ARHGEF18: variants seen among roughly 807,000 people sequenced by gnomAD.
ARHGEF18 encodes rho guanine nucleotide exchange factor 18.
ARHGEF18 carries 93 observed loss-of-function variants against 155.7 expected under a neutral mutation model. The observed-to-expected ratio is 0.60, with a 90% CI of 0.50 to 0.71. ARHGEF18 has a LOEUF of 0.71. Ranked by LOEUF, ARHGEF18 falls within the 30% of genes least tolerant of loss-of-function variation. The pLI is 0.00. For synonymous variants in ARHGEF18, 742 were observed against 753.1 expected, an observed-to-expected ratio of 0.99 and a Z score of 0.24; for missense variants, 1,593 against 1,816.1, an observed-to-expected ratio of 0.88 and a Z score of 2.23.
In ARHGEF18 at chr19:7,404,209, G is replaced by A. The variant is rs533545763; in HGVS notation, c.967+21006G>A. ...GTAAGGAGCACCTTGCCAGAGGCAG[G>A]TACGGGCTGCCCTGGGGCCGTTTCA... On this transcript the variant is annotated intron_variant, in intron 10 of 28. Transcript: ENST00000668164. Among the ~76,000 whole-genome samples, 122 of 152,272 alleles carry A rather than the reference G, an allele frequency of 8.0e-4. 1 individual carries two copies. The highest frequency in any genetic ancestry group is 1.4e-3 in the Non-Finnish European group (93 of 68,024).
chr19:7,405,457 C>T (rs758904932), intron 10 of ARHGEF18, among the ~76,000 whole-genome samples: 10 of 152,160 alleles, frequency 6.6e-5, no homozygotes, highest in African/African-American at 9.7e-5. Context: ...AATTTCATCC[C>T]GAGATCCTTA....
In ARHGEF18 at chr19:7,422,350, C is replaced by T. The variant is rs371824004; in HGVS notation, c.968-17994C>T. On this transcript the variant is annotated intron_variant, in intron 10 of 28. Coordinates refer to ENST00000668164, the MANE Select transcript of ARHGEF18 (RefSeq NM_001367823.1). ...CACTGCCTGTCTGCCCAGCTCCCGC[C>T]CATGCCCCCCCGCCCCGCGCAGCCT... Among the ~76,000 whole-genome samples, 28 of 151,982 alleles carry T rather than the reference C, an allele frequency of 1.8e-4. 1 individual carries two copies. The East Asian group carries it at 2.5e-3, about 14-fold the overall frequency.
At chr19:7,380,885 G>A (rs1002199398) in intron 7 of ARHGEF18, 32 bp from the exon 8 acceptor site, 4 of 1,229,420 alleles carry the variant, frequency 3.3e-6, no homozygotes, top group Non-Finnish European at 4.1e-6. Context: ...AGAGGCTGCC[G>A]ACCCAGGTAT....
At chr19:7,431,755 G>A (rs1231525371) in intron 10 of ARHGEF18, among the ~76,000 whole-genome samples, 2 of 152,148 alleles carry the variant, frequency 1.3e-5, no homozygotes, top group Admixed American at 6.6e-5. Flanking sequence ...CGGAGGTTGC[G>A]GTGAGCCGAG....
intron 10 of ARHGEF18, chr19:7,439,864 A>G: frequency 6.9e-7 from 1 of 1,447,710 alleles, no homozygotes; most frequent in Admixed American, 2.9e-5. Flanking sequence ...GCAAAGACCA[A>G]GGGAGAGCCT....
At chr19:7,355,812 G>A (rs1000110186) in intron 1 of ARHGEF18, 9 of 583,628 alleles carry the variant, frequency 1.5e-5, no homozygotes, top group African/African-American at 2.0e-5. Context: ...TACAGACTCT[G>A]CTGGCATCGG....
intron 16 of ARHGEF18, among the ~76,000 whole-genome samples, chr19:7,452,982 A>C (rs1975580696): frequency 6.6e-6 from 1 of 151,672 alleles, no homozygotes; most frequent in Non-Finnish European, 1.5e-5. Context: ...GATCACTTGA[A>C]GTCAGGAGTT....
chr19:7,352,148 ATT>A (rs1969173101), intron 1 of ARHGEF18, among the ~76,000 whole-genome samples: 1 of 151,840 alleles, frequency 6.6e-6, no homozygotes, highest in Non-Finnish European at 1.5e-5. Flanking sequence ...TATAGGGATA[ATT>A]TGTGTCTCTT....
chr19:7,381,011 G>A lies in ARHGEF18; in HGVS notation c.722+17G>A, dbSNP rs946449719. ...CCTGTCGGAGTAAGTACACAGATCTGCTTCTGGGGAGGGCAGCCTTGGATT... is the reference window on the plus strand; with the variant it reads ...CCTGTCGGAGTAAGTACACAGATCTACTTCTGGGGAGGGCAGCCTTGGATT... On this transcript the variant is annotated intron_variant, in intron 8 of 28. Coordinates refer to ENST00000668164, the MANE Select transcript of ARHGEF18 (RefSeq NM_001367823.1). The A allele has an allele frequency of 2.4e-5, 30 of 1,231,818 alleles. No homozygotes were observed. The highest frequency in any genetic ancestry group is 2.9e-5 in the Non-Finnish European group (29 of 987,784). 76.3% of individuals were successfully genotyped at this position (1,231,818 alleles called of 1,614,324 possible). A position where few individuals can be genotyped will look rare whatever the true frequency, so the allele number is the denominator to read the frequency against.
chr19:7,378,277 C>T (rs1362903846), intron 5 of ARHGEF18, 117 bp from the exon 6 acceptor site: 1 of 677,036 alleles, frequency 1.5e-6, no homozygotes, highest in African/African-American at 1.9e-5. Flanking sequence ...CAGGCCCTGT[C>T]TGCATGGCCT....
intron 8 of ARHGEF18, among the ~76,000 whole-genome samples, chr19:7,381,828 T>TCTCCCTCCTTTCCTCC (rs1970760475): frequency 6.6e-6 from 1 of 152,232 alleles, no homozygotes; most frequent in South Asian, 2.1e-4. Context: ...AATCCCTCTC[T>TCTCCCTCCTTTCCTCC]CTCCCTCCTT....
At chr19:7,403,545 C>CTTT (rs1367341392) in intron 10 of ARHGEF18, among the ~76,000 whole-genome samples, 1 of 141,270 alleles carries the variant, frequency 7.1e-6, no homozygotes, top group African/African-American at 3.1e-5. Flanking sequence ...TTCTTTCTTT[C>CTTT]TTTCTTTCTT....
At chr19:7,477,326 C>T (rs761497563), downstream of ARHGEF18, 23 of 1,560,056 alleles carry the variant, frequency 1.5e-5, no homozygotes, top group African/African-American at 2.7e-5. Flanking sequence ...CAGCACGCCC[C>T]GGGGCAGCCA....
chr19:7,428,094 G>T (rs943534799), intron 10 of ARHGEF18, among the ~76,000 whole-genome samples: 2 of 152,300 alleles, frequency 1.3e-5, no homozygotes, highest in African/African-American at 4.8e-5. Flanking sequence ...AAACCAGAAA[G>T]TAGCTCAACA....
chr19:7,456,306 C>G (rs1158732191), intron 17 of ARHGEF18, 21 bp from the exon 18 acceptor site: 16 of 1,613,146 alleles, frequency 9.9e-6, no homozygotes, highest in Non-Finnish European at 1.3e-5. Context: ...TAAGATGCAT[C>G]CTTCCATGCT....
intron 5 of ARHGEF18, among the ~76,000 whole-genome samples, chr19:7,377,500 TAGAACA>T (rs1299861416): frequency 1.3e-5 from 2 of 151,960 alleles, no homozygotes; most frequent in African/African-American, 4.8e-5. Context: ...CTTCCTCTAT[TAGAACA>T]GGTGCAGCAG....
chr19:7,363,325 GAATGGATA>G (rs1969709858), intron 2 of ARHGEF18, among the ~76,000 whole-genome samples: 1 of 152,004 alleles, frequency 6.6e-6, no homozygotes, highest in Non-Finnish European at 1.5e-5. Flanking sequence ...AAGTGTGGGT[GAATGGATA>G]AATGGATGAT....
chr19:7,473,856 A>G (rs1977144981), downstream of ARHGEF18, among the ~76,000 whole-genome samples: 1 of 149,366 alleles, frequency 6.7e-6, no homozygotes, highest in Admixed American at 6.7e-5. Context: ...GGTGGCGTGC[A>G]CCTGTAATCC....
At chr19:7,350,776 G>A (rs1969138284) in intron 1 of ARHGEF18, among the ~76,000 whole-genome samples, 1 of 76,544 alleles carries the variant, frequency 1.3e-5, no homozygotes, top group Non-Finnish European at 3.0e-5. Flanking sequence ...GGGTGTGTGT[G>A]TGTGTGTGTG....
Sources: gnomAD v4.1 joint callset for allele counts (sites outside exome capture counted in the v4.1 genomes callset) on GRCh38, gnomAD v4.1.1 for gene constraint, MANE v1.5 for transcripts, NCBI Gene and HGNC (gene_info 2026-07-23, HGNC 2026-07-21) for gene names.